The following ADD3 variants were observed in gnomAD, a reference collection of about 807,000 sequenced individuals.
ADD3 encodes the protein gamma-adducin.
A neutral mutation model predicts 80.2 loss-of-function variants in ADD3; 25 were observed. The ratio of observed to expected loss-of-function variants is 0.31; its 90% CI spans 0.23 to 0.44. The LOEUF (loss-of-function observed/expected upper bound fraction) is 0.44. Among genes scored for constraint, ADD3 ranks in the 20% least tolerant of loss-of-function variants. The pLI is 1.00. For missense variants in ADD3, 829 were observed against 847.5 expected, an observed-to-expected ratio of 0.98 and a Z score of 0.27; for synonymous variants, 284 against 289.6, an observed-to-expected ratio of 0.98 and a Z score of 0.20.
At chr10:109,999,522 T>C (rs1589677429) in intron 1 of ADD3, among the ~76,000 whole-genome samples, 1 of 152,236 alleles carries the variant, frequency 6.6e-6, no homozygotes, top group African/African-American at 2.4e-5. Flanking sequence ...CTGACTCTGG[T>C]ATATTATACT....
At chr10:110,081,250 C>T (rs774991663) in intron 1 of ADD3, among the ~76,000 whole-genome samples, 8 of 152,074 alleles carry the variant, frequency 5.3e-5, no homozygotes, top group East Asian at 1.9e-4. Context: ...AATTTTCATA[C>T]GCATTTTTTG....
chr10:110,019,753 G>GA (rs1287816754), intron 1 of ADD3, among the ~76,000 whole-genome samples: 1 of 152,186 alleles, frequency 6.6e-6, no homozygotes, highest in Non-Finnish European at 1.5e-5. Flanking sequence ...TGAAGAAGCT[G>GA]AATTCACCAG....
At position 110,112,784 on chromosome 10, in the gene ADD3, G is replaced by A. The variant is rs754356569; in HGVS notation, c.203G>A (p.Arg68Gln). The A allele has an allele frequency of 1.1e-5, 18 of 1,612,852 alleles. No individual in the cohort carries two copies. Among genetic ancestry groups the A allele is most frequent in the Middle Eastern group, 3.3e-4 (2 of 6,054 alleles). ...VTQILQSPAF[R>Q]EDLECLIQEQ... is the part of the protein sequence containing the mutation. Reference sequence around the variant, plus strand: ...TATTTTTGTGTATTACAGGCCTTTCGGGAAGACTTGGAATGCCTTATTCAA... The same window carrying A: ...TATTTTTGTGTATTACAGGCCTTTCAGGAAGACTTGGAATGCCTTATTCAA... The change falls in exon 3 of 15, where the codon CGG becomes CAG. Residue 68 changes from arginine to glutamine, a missense_variant. Arg to Gln is a conservative substitution (Grantham distance 43). Transcript: ENST00000356080.
At chr10:110,062,063 CA>C (rs1341598303) in intron 1 of ADD3, among the ~76,000 whole-genome samples, 1 of 151,460 alleles carries the variant, frequency 6.6e-6, no homozygotes, top group East Asian at 1.9e-4. Flanking sequence ...CCCATCTCTA[CA>C]AAAAATAAAA....
At chr10:110,061,567 A>G (rs1235118181) in intron 1 of ADD3, among the ~76,000 whole-genome samples, 2 of 152,188 alleles carry the variant, frequency 1.3e-5, no homozygotes, top group Admixed American at 6.5e-5. Context: ...AATAGATGAA[A>G]TTCAGGTGCT....
intron 1 of ADD3, among the ~76,000 whole-genome samples, chr10:109,996,636 T>C (rs1444930105): frequency 6.6e-6 from 1 of 152,230 alleles, no homozygotes; most frequent in Non-Finnish European, 1.5e-5. Context: ...TGTTCATAAA[T>C]TAATGTCTTA....
rs1847382466 is a variant in ADD3, at chr10:110,090,618, A to G, written c.-29-10007A>G. 2.0e-5 allele frequency among the ~76,000 whole-genome samples: 3 copies of G among 152,152 alleles called. No individual in the cohort carries two copies. The South Asian group carries it at 6.2e-4, about 31-fold the overall frequency. ...ACTGCTTTGTTCCAATTGTACAATC[A>G]CAAGGAGACTCATGTTTGCCAAGAG... On this transcript the variant is annotated intron_variant, in intron 1 of 14. Coordinates refer to ENST00000356080, the MANE Select transcript of ADD3 (RefSeq NM_016824.5).
At chr10:110,019,314 G>C (rs970478420) in intron 1 of ADD3, among the ~76,000 whole-genome samples, 1 of 150,206 alleles carries the variant, frequency 6.7e-6, no homozygotes, top group African/African-American at 2.5e-5. Flanking sequence ...AATTCTTACT[G>C]TAACTCTATT....
rs1406193804 is a variant in ADD3, at chr10:110,123,082, A to C, written c.1143+790A>C. Among the ~76,000 whole-genome samples, 4 of 152,218 alleles carry C rather than the reference A, an allele frequency of 2.6e-5. No individual in the cohort carries two copies. The South Asian group carries it at 8.3e-4, about 31-fold the overall frequency. On this transcript the variant is annotated intron_variant, in intron 9 of 14. Transcript: ENST00000356080. ...CTTTTTTAAAGCTGAATAGTATTCC[A>C]TTATGTTGTATATACCACATTTATA...
chr10:110,128,045 T>G (rs546684620), intron 12 of ADD3, among the ~76,000 whole-genome samples: 1 of 145,758 alleles, frequency 6.9e-6, no homozygotes, highest in Non-Finnish European at 1.5e-5. Flanking sequence ...AACCTTTGTT[T>G]AGGATTTTTT....
At chr10:110,050,349 A>G (rs937882252) in intron 1 of ADD3, among the ~76,000 whole-genome samples, 4 of 151,990 alleles carry the variant, frequency 2.6e-5, no homozygotes, top group Non-Finnish European at 5.9e-5. Context: ...TTCTTATGGT[A>G]GTGAGTAAGT....
At chr10:110,003,362 C>A (rs1851526448), upstream of ADD3, among the ~76,000 whole-genome samples, 1 of 148,026 alleles carries the variant, frequency 6.8e-6, no homozygotes, top group South Asian at 2.2e-4. Flanking sequence ...GAAAGATAAA[C>A]CTGTTTGCTT....
chr10:110,072,927 AC>A (rs1391118168), intron 1 of ADD3, among the ~76,000 whole-genome samples: 4 of 152,008 alleles, frequency 2.6e-5, no homozygotes, highest in African/African-American at 7.2e-5. Context: ...GCTTTGGTTT[AC>A]TTTTTGTCCA....
chr10:110,099,766 C>G (rs1407944682), intron 1 of ADD3, among the ~76,000 whole-genome samples: 3 of 152,164 alleles, frequency 2.0e-5, no homozygotes, highest in African/African-American at 7.2e-5. Flanking sequence ...ATACATGATA[C>G]CTTGTTTCTA....
intron 2 of ADD3, among the ~76,000 whole-genome samples, chr10:110,101,719 T>G (rs1564980826): frequency 6.6e-6 from 1 of 151,934 alleles, no homozygotes; most frequent in Non-Finnish European, 1.5e-5. Context: ...CATATTCAAA[T>G]GATCTGTTTT....
chr10:110,012,755 C>CT (rs11318860), intron 1 of ADD3, among the ~76,000 whole-genome samples: 40 of 148,150 alleles, frequency 2.7e-4, no homozygotes, highest in Non-Finnish European at 3.2e-4. Context: ...ATGTTTATAT[C>CT]TTTTTTTTTT....
chr10:110,113,011 T>G, intron 3 of ADD3, 96 bp downstream of exon 3: 1 of 1,339,988 alleles, frequency 7.5e-7, no homozygotes. Flanking sequence ...GGTTCAGTCC[T>G]TAAGTTTATA....
intron 1 of ADD3, among the ~76,000 whole-genome samples, chr10:110,047,470 A>G (rs78156542): frequency 0.018 from 2,690 of 152,230 alleles, 58 homozygotes; most frequent in Non-Finnish European, 0.019. Flanking sequence ...GCATTCTCCA[A>G]ATATATATAT....
At position 110,126,126 on chromosome 10, in the gene ADD3, C is replaced by T. The variant is rs559662915; in HGVS notation, c.1521+181C>T. On this transcript the variant is annotated intron_variant, in intron 11 of 14. Coordinates refer to ENST00000356080, the MANE Select transcript of ADD3 (RefSeq NM_016824.5). ...CAGCTCTGTGCTAGTAATTGGTGAACAGGCTACATGGGGAAGATGTATTGA... is the reference window on the plus strand; with the variant it reads ...CAGCTCTGTGCTAGTAATTGGTGAATAGGCTACATGGGGAAGATGTATTGA... 2.0e-5 allele frequency among the ~76,000 whole-genome samples: 3 copies of T among 152,336 alleles called. No homozygotes were observed. In the East Asian group the frequency reaches 5.8e-4, roughly 29 times the overall value.
Sources: allele counts gnomAD v4.1 joint callset (sites outside exome capture counted in the v4.1 genomes callset), GRCh38; gene constraint gnomAD v4.1.1; transcripts MANE v1.5; gene names NCBI Gene and HGNC (gene_info 2026-07-23, HGNC 2026-07-21).